PFDN1: variants seen among roughly 807,000 people sequenced by gnomAD.
The protein encoded by PFDN1 is prefoldin 1.
PFDN1 carries 6 observed loss-of-function variants against 17.3 expected under a neutral mutation model. The observed-to-expected ratio is 0.35, with a 90% CI of 0.19 to 0.69. The LOEUF is 0.69. Among genes scored for constraint, PFDN1 ranks in the 30% least tolerant of loss-of-function variants. The probability of loss-of-function intolerance (pLI) is 0.65; values close to 1 mark genes in which losing one functional copy is unlikely to be tolerated. For synonymous variants in PFDN1, 58 were observed against 50.1 expected, an observed-to-expected ratio of 1.16 and a Z score of -0.67; for missense variants, 113 against 146.2, an observed-to-expected ratio of 0.77 and a Z score of 1.17.
chr5:140,254,973 A>T lies in PFDN1; in HGVS notation c.286-8916T>A, dbSNP rs1324688792. Among the ~76,000 whole-genome samples the T allele has an allele frequency of 6.6e-6, 1 of 152,158 alleles. No individual in the cohort carries two copies. Among genetic ancestry groups the T allele is most frequent in the Non-Finnish European group, 1.5e-5 (1 of 68,028 alleles). ...TTAAACTCAACCATCTACCCACTCCATGCCTCACCTGAGTGGCTGAATGTT... is the reference window on the plus strand; with the variant it reads ...TTAAACTCAACCATCTACCCACTCCTTGCCTCACCTGAGTGGCTGAATGTT... On this transcript the variant is annotated intron_variant, in intron 3 of 3. Coordinates refer to ENST00000261813, the MANE Select transcript of PFDN1 (RefSeq NM_002622.5). This position sits in a 1 kb window ranked among gnomAD's most constrained non-coding sequence, Gnocchi z 4.4.
At chr5:140,252,995 T>G (rs551947480) in intron 3 of PFDN1, among the ~76,000 whole-genome samples, 44 of 152,270 alleles carry the variant, frequency 2.9e-4, no homozygotes, top group African/African-American at 8.9e-4. Context: ...GTGCATCCAC[T>G]TCACCAGAGG....
chr5:140,296,834 T>A (rs1765662046), intron 2 of PFDN1, among the ~76,000 whole-genome samples: 2 of 152,140 alleles, frequency 1.3e-5, no homozygotes. Context: ...AGGAGGTAGG[T>A]CCATGAGATG....
intron 3 of PFDN1, among the ~76,000 whole-genome samples, chr5:140,277,904 G>A (rs530457845): frequency 5.9e-5 from 9 of 152,188 alleles, no homozygotes; most frequent in African/African-American, 2.2e-4. Context: ...TCAGTAGAAT[G>A]GTTATCTTTA....
intron 3 of PFDN1, chr5:140,262,540 C>A (rs183663904): frequency 8.1e-5 from 37 of 456,004 alleles, no homozygotes; most frequent in South Asian, 5.6e-4. Context: ...TGCTGGCACT[C>A]GACTGTTGAG....
In PFDN1 at chr5:140,293,250, T is replaced by G. The variant is rs1765604581; in HGVS notation, c.200+7166A>C. On this transcript the variant is annotated intron_variant, in intron 2 of 3. Coordinates refer to ENST00000261813, the MANE Select transcript of PFDN1 (RefSeq NM_002622.5). Reference sequence around the variant, plus strand: ...TCATTGACTGGAAAACACTGTAGTATCCCGCAAATGACTGCTACTTTTCAT... The same window carrying G: ...TCATTGACTGGAAAACACTGTAGTAGCCCGCAAATGACTGCTACTTTTCAT... The G allele has an allele frequency of 2.0e-5, 3 of 151,110 alleles. No individual in the cohort carries two copies. In the South Asian group the frequency reaches 6.3e-4, roughly 32 times the overall value. The allele number at this position is 151,110 out of a possible 1,614,324, so 9.4% of individuals were successfully genotyped here.
chr5:140,294,959 T>C (rs949079336), intron 2 of PFDN1, among the ~76,000 whole-genome samples: 1 of 152,080 alleles, frequency 6.6e-6, no homozygotes, highest in African/African-American at 2.4e-5. Context: ...AGCATACCTC[T>C]AAATTAGTTT....
chr5:140,286,841 G>A (rs1465088371), intron 2 of PFDN1, among the ~76,000 whole-genome samples: 1 of 152,012 alleles, frequency 6.6e-6, no homozygotes, highest in Non-Finnish European at 1.5e-5. Flanking sequence ...CTGACCTCAG[G>A]GGATCCAACC....
In PFDN1 at chr5:140,298,001, TATC is replaced by T. The variant is rs1765678948; in HGVS notation, c.200+2412_200+2414del. ...AGGATATTCACATTAAGGATAAAAT[TATC>T]CTGTAGTGAATGCCAACAATGCATT... On this transcript the variant is annotated intron_variant, in intron 2 of 3. Transcript: ENST00000261813. Among the ~76,000 whole-genome samples the T allele has an allele frequency of 6.6e-5, 10 of 152,304 alleles. No individual in the cohort carries two copies. The South Asian group carries it at 2.1e-3, about 32-fold the overall frequency.
chr5:140,252,321 G>A (rs528596589), intron 3 of PFDN1, among the ~76,000 whole-genome samples: 3 of 152,200 alleles, frequency 2.0e-5, no homozygotes, highest in Non-Finnish European at 2.9e-5. Context: ...TCCAGGCATC[G>A]GAGGCAACAC....
chr5:140,247,176 C>CA (rs1764842657), intron 3 of PFDN1, among the ~76,000 whole-genome samples: 1 of 152,070 alleles, frequency 6.6e-6, no homozygotes, highest in African/African-American at 2.4e-5. Context: ...GGTCTCAGCT[C>CA]AGAGTGCAAT....
chr5:140,259,550 C>T (rs1171357024), intron 3 of PFDN1, among the ~76,000 whole-genome samples: 1 of 152,172 alleles, frequency 6.6e-6, no homozygotes, highest in Non-Finnish European at 1.5e-5. Context: ...CAACAAAAAA[C>T]AGTAAGTGCC....
intron 1 of PFDN1, 141 bp downstream of exon 1, chr5:140,302,900 C>T (rs1765769466): frequency 2.7e-6 from 2 of 748,948 alleles, no homozygotes; most frequent in African/African-American, 1.7e-5. Flanking sequence ...CCCAGTGAGG[C>T]CTTAGGACTC....
chr5:140,293,394 AT>A lies in PFDN1; in HGVS notation c.200+7021del, dbSNP rs1765608083. On this transcript the variant is annotated intron_variant, in intron 2 of 3. Coordinates refer to ENST00000261813, the MANE Select transcript of PFDN1 (RefSeq NM_002622.5). ...GTCCACCAAGTAGCTAAATGAATCA[AT>A]TACATTTATGTTTTTAAAACAGGTC... Among the ~76,000 whole-genome samples, 3 of 152,050 alleles carry A rather than the reference AT, an allele frequency of 2.0e-5. No homozygotes were observed. In the South Asian group the frequency reaches 6.2e-4, roughly 32 times the overall value.
At chr5:140,288,489 C>T (rs555442552) in intron 2 of PFDN1, among the ~76,000 whole-genome samples, 1 of 152,290 alleles carries the variant, frequency 6.6e-6, no homozygotes, top group African/African-American at 2.4e-5. Context: ...TGTATGATAA[C>T]ACAAAGAGTG....
At chr5:140,263,759 T>A (rs575207291) in intron 3 of PFDN1, among the ~76,000 whole-genome samples, 37 of 152,084 alleles carry the variant, frequency 2.4e-4, no homozygotes, top group Admixed American at 1.9e-3. Flanking sequence ...TGGTGGCTCA[T>A]GCCTGTAATC....
At chr5:140,302,250 A>G (rs1465915462) in intron 1 of PFDN1, among the ~76,000 whole-genome samples, 1 of 152,148 alleles carries the variant, frequency 6.6e-6, no homozygotes, top group Non-Finnish European at 1.5e-5. Context: ...AAATAGATAA[A>G]TTCTAGGGTC....
Position 140,245,917 on chromosome 5 carries a change from C to G in PFDN1, c.*57G>C, listed in dbSNP as rs1764822302. On this transcript the variant is annotated 3_prime_UTR_variant, in exon 4 of 4. Coordinates refer to ENST00000261813, the MANE Select transcript of PFDN1 (RefSeq NM_002622.5). ...GAGAAGCTGTTTCCCTGCAGACACT[C>G]CTCTGCCCCCACCAGGAATGGGAGG... The G allele has an allele frequency of 4.3e-5, 42 of 971,160 alleles. No individual in the cohort carries two copies. The highest frequency in any genetic ancestry group is 2.6e-5 in the East Asian group (1 of 38,436). The allele number at this position is 971,160 out of a possible 1,614,324, so 60.2% of individuals were successfully genotyped here. A position where few individuals can be genotyped will look rare whatever the true frequency, so the allele number is the denominator to read the frequency against.
intron 3 of PFDN1, among the ~76,000 whole-genome samples, chr5:140,262,829 A>T (rs2337081): frequency 6.6e-6 from 1 of 151,810 alleles, no homozygotes; most frequent in African/African-American, 2.4e-5. Context: ...CAAAATGCTA[A>T]CATTTGTTAA....
chr5:140,287,221 G>A (rs1288225198), intron 2 of PFDN1, among the ~76,000 whole-genome samples: 1 of 152,154 alleles, frequency 6.6e-6, no homozygotes, highest in South Asian at 2.1e-4. Context: ...GGTAGGAGCC[G>A]GGTTTCTCAT....
Sources: allele counts gnomAD v4.1 joint callset (sites outside exome capture counted in the v4.1 genomes callset), GRCh38; gene constraint gnomAD v4.1.1; non-coding constraint Gnocchi (gnomAD v3.1); transcripts MANE v1.5; gene names NCBI Gene and HGNC (gene_info 2026-07-23, HGNC 2026-07-21).